The following DGKB variants were observed in gnomAD, a reference collection of about 807,000 sequenced individuals.
DGKB encodes the protein diacylglycerol kinase beta, also known as 90 kDa diacylglycerol kinase.
Under a neutral mutation model 114.3 loss-of-function variants are expected in DGKB, and 67 were observed. The ratio of observed to expected loss-of-function variants is 0.59; its 90% CI spans 0.48 to 0.72. The LOEUF is 0.72. DGKB is among the 30% of genes least tolerant of loss of function. DGKB has a pLI of 0.00. For synonymous variants in DGKB, 398 were observed against 323.1 expected (o/e 1.23, Z -2.49); for missense variants, 907 against 975.2 (o/e 0.93, Z 0.93).
At chr7:14,946,778 A>G (rs1785906467) in intron 1 of DGKB, among the ~76,000 whole-genome samples, 1 of 151,766 alleles carries the variant, frequency 6.6e-6, no homozygotes, top group South Asian at 2.1e-4. Flanking sequence ...TCATTTCTCA[A>G]TATTATTTAC....
chr7:14,351,542 A>C (rs1813428853), intron 21 of DGKB, among the ~76,000 whole-genome samples: 1 of 152,314 alleles, frequency 6.6e-6, no homozygotes, highest in South Asian at 2.1e-4. Flanking sequence ...CTATGGCCAC[A>C]GGTATTTGTT....
rs533183705 is a variant in DGKB, at chr7:14,484,931, A to G, written c.1771-6706T>C. 1.2e-4 allele frequency among the ~76,000 whole-genome samples: 18 copies of G among 152,278 alleles called. No homozygotes were observed. The South Asian group carries it at 3.7e-3, about 32-fold the overall frequency. ...GAGAAGAGTTTAAAGTTTCCCAGATATAGGAGTAGTATATAACAATTAGTG... is the reference window on the plus strand; with the variant it reads ...GAGAAGAGTTTAAAGTTTCCCAGATGTAGGAGTAGTATATAACAATTAGTG... On this transcript the variant is annotated intron_variant, in intron 20 of 25. Transcript: ENST00000402815.
chr7:14,958,477 C>CACACACACACACACT (rs1562903995), intron 1 of DGKB, among the ~76,000 whole-genome samples: 6 of 84,754 alleles, frequency 7.1e-5, no homozygotes, highest in African/African-American at 9.9e-5. Context: ...ACACACACAC[C>CACACACACACACACT]CCGTCCAGGA....
At chr7:14,876,374 C>T (rs217567) in intron 1 of DGKB, among the ~76,000 whole-genome samples, 429 of 152,338 alleles carry the variant, frequency 2.8e-3, no homozygotes, top group South Asian at 5.8e-3. Context: ...GGCACAGAGC[C>T]GTAACAAGGC....
At chr7:14,680,345 T>G (rs1820617974) in intron 12 of DGKB, among the ~76,000 whole-genome samples, 1 of 151,990 alleles carries the variant, frequency 6.6e-6, no homozygotes, top group African/African-American at 2.4e-5. Context: ...AAGAATAAAA[T>G]GTTAAGGGTA....
chr7:14,591,838 A>G (rs1384508970), intron 17 of DGKB, among the ~76,000 whole-genome samples: 1 of 151,980 alleles, frequency 6.6e-6, no homozygotes, highest in Non-Finnish European at 1.5e-5. Flanking sequence ...TTGATACAGA[A>G]AAGGCAGTAA....
At chr7:14,744,330 G>C (rs1249008586) in intron 4 of DGKB, among the ~76,000 whole-genome samples, 1 of 152,160 alleles carries the variant, frequency 6.6e-6, no homozygotes, top group Non-Finnish European at 1.5e-5. Context: ...TTTTACCAAG[G>C]CTTTGACTGG....
chr7:14,495,988 G>C (rs1785252953), intron 20 of DGKB, among the ~76,000 whole-genome samples: 1 of 151,730 alleles, frequency 6.6e-6, no homozygotes, highest in African/African-American at 2.4e-5. Flanking sequence ...AATTATTGGA[G>C]GCTTCTTGTA....
intron 21 of DGKB, among the ~76,000 whole-genome samples, chr7:14,376,821 G>A (rs1818556344): frequency 6.6e-6 from 1 of 152,100 alleles, no homozygotes; most frequent in Non-Finnish European, 1.5e-5. Context: ...GCAGATTAGT[G>A]ACATTCAAAT....
chr7:14,506,544 T>A (rs1477132894), intron 20 of DGKB, among the ~76,000 whole-genome samples: 1 of 152,164 alleles, frequency 6.6e-6, no homozygotes, highest in African/African-American at 2.4e-5. Context: ...CTCTCTTGAT[T>A]TGATAAGCAA....
intron 23 of DGKB, among the ~76,000 whole-genome samples, chr7:14,200,004 G>A (rs1785593352): frequency 6.6e-6 from 1 of 151,972 alleles, no homozygotes; most frequent in African/African-American, 2.4e-5. Flanking sequence ...AATTGACAAG[G>A]AGATGTTCAG....
At chr7:14,862,242 C>T (rs1051637584) in intron 1 of DGKB, among the ~76,000 whole-genome samples, 1 of 151,898 alleles carries the variant, frequency 6.6e-6, no homozygotes, top group African/African-American at 2.4e-5. Context: ...TGACCACAAT[C>T]AAATTAATTA....
chr7:14,318,444 AAAAC>A (rs1322436927), intron 23 of DGKB, among the ~76,000 whole-genome samples: 6 of 152,208 alleles, frequency 3.9e-5, no homozygotes, highest in Non-Finnish European at 7.3e-5. Context: ...TTACAAGAAA[AAAAC>A]AAACAACCCC....
intron 20 of DGKB, among the ~76,000 whole-genome samples, chr7:14,567,501 T>A (rs1373728227): frequency 3.3e-5 from 3 of 90,556 alleles, no homozygotes; most frequent in African/African-American, 1.3e-4. Context: ...TTATATATAA[T>A]TATATAATTA....
intron 4 of DGKB, among the ~76,000 whole-genome samples, chr7:14,747,811 A>C (rs996132102): frequency 1.3e-5 from 2 of 152,126 alleles, no homozygotes; most frequent in African/African-American, 4.8e-5. Context: ...AAATGTTCAA[A>C]ATTTTAAAAA....
At chr7:14,830,063 C>G (rs1307798536) in intron 2 of DGKB, among the ~76,000 whole-genome samples, 3 of 151,996 alleles carry the variant, frequency 2.0e-5, no homozygotes, top group African/African-American at 7.3e-5. Context: ...ATTCTGGCAC[C>G]TGCAAAGATG....
chr7:14,218,730 GT>G (rs1189133399), intron 23 of DGKB, among the ~76,000 whole-genome samples: 4 of 151,272 alleles, frequency 2.6e-5, no homozygotes, highest in Non-Finnish European at 5.9e-5. Flanking sequence ...CCGGGACAGA[GT>G]TTTTTTTTAT....
intron 20 of DGKB, among the ~76,000 whole-genome samples, chr7:14,529,632 A>C (rs2128588977): frequency 6.6e-6 from 1 of 151,926 alleles, no homozygotes; most frequent in East Asian, 1.9e-4. Context: ...AATATGAATA[A>C]TTTGACCACA....
chr7:14,875,007 C>CA (rs1853057310), intron 1 of DGKB, among the ~76,000 whole-genome samples: 1 of 152,006 alleles, frequency 6.6e-6, no homozygotes, highest in Non-Finnish European at 1.5e-5. Context: ...AGGGCCTTTA[C>CA]ATGGTAAGGA....
Sources: gnomAD v4.1 joint callset for allele counts (sites outside exome capture counted in the v4.1 genomes callset) on GRCh38, gnomAD v4.1.1 for gene constraint, MANE v1.5 for transcripts, NCBI Gene and HGNC (gene_info 2026-07-23, HGNC 2026-07-21) for gene names.